The following ABL1 variants were observed in gnomAD, a reference collection of about 807,000 sequenced individuals.
The protein encoded by ABL1 is ABL proto-oncogene 1, non-receptor tyrosine kinase.
In ABL1, 11 loss-of-function variants were observed where a neutral mutation model predicts 94.7. The ratio of observed to expected loss-of-function variants is 0.12; its 90% CI spans 0.07 to 0.19. The LOEUF (loss-of-function observed/expected upper bound fraction) is 0.19. Among genes scored for constraint, ABL1 ranks in the 10% least tolerant of loss-of-function variants. The pLI, the probability that ABL1 is intolerant of heterozygous loss-of-function variation, is 1.00. For synonymous variants in ABL1, 656 were observed against 622.4 expected (o/e 1.05, Z -0.80); for missense variants, 1,082 against 1,489.4 (o/e 0.73, Z 4.50).
chr9:130,793,857 C>T (rs7862241), intron 1 of ABL1, among the ~76,000 whole-genome samples: 23,893 of 152,070 alleles, frequency 0.16, 2,536 homozygotes, highest in African/African-American at 0.3. Context: ...AGATCAGTGG[C>T]GGCATTAGTT....
Position 130,835,839 on chromosome 9 carries a change from G to C in ABL1, c.79+314G>C, listed in dbSNP as rs1830572003. The stretch of plus-strand genomic sequence containing the variant: ...GGCCCCCAGCCCCGGCACCAGCCCC[G>C]GTAGAGCCACGCCGGATGGTGACGG... On this transcript the variant is annotated intron_variant, in intron 1 of 10. Coordinates refer to ENST00000318560, the MANE Select transcript of ABL1 (RefSeq NM_005157.6). The surrounding 1 kb of genome is among the most constrained non-coding windows in gnomAD (Gnocchi z 4.6). 6.6e-6 allele frequency among the ~76,000 whole-genome samples: 1 copy of C among 152,174 alleles called. No individual in the cohort carries two copies. The highest frequency in any genetic ancestry group is 1.5e-5 in the Non-Finnish European group (1 of 68,016).
chr9:130,726,486 T>A (rs562428085), intron 1 of ABL1, among the ~76,000 whole-genome samples: 93 of 152,324 alleles, frequency 6.1e-4, no homozygotes, highest in Middle Eastern at 3.4e-3. Flanking sequence ...GTAATTTGTG[T>A]TTTTTCTCTC....
At chr9:130,852,478 G>C (rs1031221771) in intron 1 of ABL1, among the ~76,000 whole-genome samples, 2 of 152,180 alleles carry the variant, frequency 1.3e-5, no homozygotes, top group African/African-American at 4.8e-5. Flanking sequence ...CAATGTTCTA[G>C]GGTTACAGGC....
At chr9:130,713,904 G>A (rs1296388423) in exon 1 of ABL1, 1 of 232,916 alleles carries the variant, frequency 4.3e-6, no homozygotes, top group Admixed American at 5.6e-5. Flanking sequence ...CACAGGAAAA[G>A]TTCTGGAGGA....
rs149315164 is a variant in ABL1 at position 130,736,771 on chromosome 9, G to A, written c.136+22316G>A. Among the ~76,000 whole-genome samples the A allele has an allele frequency of 3.8e-3, 577 of 152,296 alleles. 3 individuals are homozygous for A. Among genetic ancestry groups the A allele is most frequent in the Non-Finnish European group, 5.1e-3 (350 of 68,024 alleles). The stretch of plus-strand genomic sequence containing the variant: ...CTCCCAAAGTGCTGGGATTACAGGC[G>A]TGAGCCACTGTGCCCGGCCGGTTGA... On this transcript the variant is annotated intron_variant, in intron 1 of 10. Transcript: ENST00000372348.
chr9:130,716,946 T>G (rs947264617), intron 1 of ABL1, among the ~76,000 whole-genome samples: 1 of 151,896 alleles, frequency 6.6e-6, no homozygotes, highest in Non-Finnish European at 1.5e-5. Flanking sequence ...CTCTGTGATA[T>G]AGAGATTGGT....
chr9:130,847,639 TA>T (rs1228616013), intron 1 of ABL1, among the ~76,000 whole-genome samples: 1 of 152,236 alleles, frequency 6.6e-6, no homozygotes, highest in Non-Finnish European at 1.5e-5. Context: ...GGACTGTGGC[TA>T]CACTTCAGTG....
At chr9:130,874,164 C>A (rs1266294736) in intron 6 of ABL1, among the ~76,000 whole-genome samples, 1 of 152,238 alleles carries the variant, frequency 6.6e-6, no homozygotes, top group African/African-American at 2.4e-5. Flanking sequence ...TGCCCCCTCT[C>A]ATTCCGCTCT....
intron 8 of ABL1, among the ~76,000 whole-genome samples, chr9:130,879,261 T>G (rs1311087041): frequency 1.3e-5 from 2 of 152,260 alleles, no homozygotes; most frequent in African/African-American, 2.4e-5. Context: ...TTCATATATC[T>G]TATAAGGTAT....
chr9:130,854,153 G>C lies in ABL1; in HGVS notation c.169G>C (p.Gly57Arg). ...RWNSKENLLA[G>R]PSENDPNLFV... is the part of the protein sequence containing the mutation. ...GAACTCCAAGGAAAACCTTCTCGCT[G>C]GACCCAGTGAAAATGACCCCAACCT... Residue 57 changes from glycine to arginine, a missense_variant, in exon 2 of 11, where the codon GGA (glycine) becomes CGA (arginine). By Grantham distance (125) the Gly-to-Arg change is moderately radical. Around this residue, in one of 7 missense-constraint regions of ABL1, gnomAD observed 65 missense variants for 80.8 expected, o/e 0.80. Coordinates refer to ENST00000318560, the MANE Select transcript of ABL1 (RefSeq NM_005157.6). 6.2e-7 allele frequency: 1 copy of C among 1,614,188 alleles called. No individual in the cohort carries two copies. Among genetic ancestry groups the C allele is most frequent in the Non-Finnish European group, 8.5e-7 (1 of 1,180,036 alleles).
intron 1 of ABL1, among the ~76,000 whole-genome samples, chr9:130,729,077 T>C (rs1831628974): frequency 2.6e-5 from 4 of 152,230 alleles, no homozygotes; most frequent in Admixed American, 2.6e-4. Flanking sequence ...TTTGGTTTTA[T>C]GCTTTGTTAG....
At chr9:130,764,417 A>G (rs1014442052) in intron 1 of ABL1, among the ~76,000 whole-genome samples, 3 of 152,218 alleles carry the variant, frequency 2.0e-5, no homozygotes, top group South Asian at 2.1e-4. Flanking sequence ...ACCCTTTCCC[A>G]TGTTCAAAGT....
chr9:130,819,149 C>T (rs1159155487), intron 1 of ABL1, among the ~76,000 whole-genome samples: 1 of 152,076 alleles, frequency 6.6e-6, no homozygotes, highest in East Asian at 1.9e-4. Flanking sequence ...GTCAGGAGTT[C>T]GAGACCAGCC....
At chr9:130,859,475 T>C (rs114950509) in intron 3 of ABL1, among the ~76,000 whole-genome samples, 1,947 of 151,770 alleles carry the variant, frequency 0.013, 44 homozygotes, top group African/African-American at 0.044. Context: ...CTTTGGACCG[T>C]TCTTGTGTAC....
chr9:130,725,833 T>G (rs1397130307), intron 1 of ABL1, among the ~76,000 whole-genome samples: 1 of 91,890 alleles, frequency 1.1e-5, no homozygotes, highest in African/African-American at 5.7e-5. Flanking sequence ...GGTTTTTTTT[T>G]TTTTTTTTTT....
chr9:130,733,862 T>C (rs1831700237), intron 1 of ABL1, among the ~76,000 whole-genome samples: 1 of 151,740 alleles, frequency 6.6e-6, no homozygotes, highest in Admixed American at 6.6e-5. Flanking sequence ...AGTGCTGGGG[T>C]TACAGGTGTG....
At chr9:130,740,842 T>TG (rs1452199796) in intron 1 of ABL1, among the ~76,000 whole-genome samples, 1 of 146,738 alleles carries the variant, frequency 6.8e-6, no homozygotes, top group Non-Finnish European at 1.5e-5. Context: ...TTTTTTTTTT[T>TG]GTAGAGAAGG....
At chr9:130,742,730 C>A (rs1318058416) in intron 1 of ABL1, among the ~76,000 whole-genome samples, 1 of 152,046 alleles carries the variant, frequency 6.6e-6, no homozygotes, top group Non-Finnish European at 1.5e-5. Flanking sequence ...AGGTCATGTA[C>A]CCTTATTAGA....
intron 2 of ABL1, among the ~76,000 whole-genome samples, chr9:130,854,454 T>A (rs1316496079): frequency 1.3e-5 from 2 of 152,204 alleles, no homozygotes; most frequent in Non-Finnish European, 2.9e-5. Flanking sequence ...CCCTATTTTT[T>A]ATACTGAAAA....
Sources: gnomAD v4.1 joint callset for allele counts (sites outside exome capture counted in the v4.1 genomes callset) on GRCh38, gnomAD v4.1.1 for gene constraint, gnomAD v4.1.1 regional missense constraint, Gnocchi (gnomAD v3.1) non-coding constraint, MANE v1.5 for transcripts, NCBI Gene and HGNC (gene_info 2026-07-23, HGNC 2026-07-21) for gene names.